The following DPP10 variants were observed in gnomAD, a reference collection of about 807,000 sequenced individuals.
The protein encoded by DPP10 is dipeptidyl peptidase like 10, also known as inactive dipeptidyl peptidase 10.
DPP10 carries 33 observed loss-of-function variants against 120.9 expected under a neutral mutation model. The ratio of observed to expected loss-of-function variants is 0.27; its 90% CI spans 0.21 to 0.37. The LOEUF is 0.37. Ranked by LOEUF, DPP10 falls within the 10% of genes least tolerant of loss-of-function variation. The probability of loss-of-function intolerance (pLI) is 1.00; values close to 1 mark genes in which losing one functional copy is unlikely to be tolerated. For synonymous variants in DPP10, 337 were observed against 326.1 expected, an observed-to-expected ratio of 1.03 and a Z score of -0.36; for missense variants, 816 against 942.8, an observed-to-expected ratio of 0.87 and a Z score of 1.76.
rs192167787 is a variant in DPP10 at position 114,838,249 on chromosome 2, C to T, written c.60+395411C>T. 1.7e-3 allele frequency among the ~76,000 whole-genome samples: 253 copies of T among 152,316 alleles called. 1 individual carries two copies. The highest frequency in any genetic ancestry group is 3.4e-3 in the Middle Eastern group (1 of 294). ...ATGGATACCTGGTGAGAACTAATAG[C>T]ATATGCCACAGATTCTATAGTGGCA... On this transcript the variant is annotated intron_variant, in intron 1 of 25. Coordinates refer to ENST00000410059, the MANE Select transcript of DPP10 (RefSeq NM_020868.6).
chr2:115,622,829 C>CTTTTT (rs765780452), intron 5 of DPP10, among the ~76,000 whole-genome samples: 9 of 128,358 alleles, frequency 7.0e-5, no homozygotes, highest in South Asian at 2.6e-4. Flanking sequence ...TTCGTTTATT[C>CTTTTT]TTTTTTTTTT....
At chr2:114,783,912 T>C (rs190643030) in intron 1 of DPP10, among the ~76,000 whole-genome samples, 29 of 152,146 alleles carry the variant, frequency 1.9e-4, no homozygotes, top group Non-Finnish European at 1.5e-5. Flanking sequence ...GTTTTTCCCC[T>C]AGACAGAGCC....
chr2:115,214,521 T>A (rs1442072010), intron 1 of DPP10, among the ~76,000 whole-genome samples: 1 of 152,180 alleles, frequency 6.6e-6, no homozygotes, highest in Non-Finnish European at 1.5e-5. Flanking sequence ...CTTCAGCCGA[T>A]GTTGAGAGGG....
rs1018384589 is a variant in DPP10, at chr2:115,493,945, T to TTTTA, written c.272-5549_272-5546dup. On this transcript the variant is annotated intron_variant, in intron 3 of 25. Transcript: ENST00000410059. ...AGAAAAACACCAGACTTAATGTACT[T>TTTTA]TTTATTTATTTATTTATTTTTTGAG... Among the ~76,000 whole-genome samples, 53 of 152,026 alleles carry TTTTA rather than the reference T, an allele frequency of 3.5e-4. No individual in the cohort carries two copies. In the Middle Eastern group the frequency reaches 0.014, roughly 39 times the overall value.
At chr2:115,533,325 G>A (rs1193163972) in intron 5 of DPP10, among the ~76,000 whole-genome samples, 3 of 152,168 alleles carry the variant, frequency 2.0e-5, no homozygotes, top group East Asian at 3.9e-4. Context: ...AACCGTAGCT[G>A]GGCTACATCT....
intron 5 of DPP10, among the ~76,000 whole-genome samples, chr2:115,596,522 A>G (rs951725691): frequency 6.6e-6 from 1 of 152,182 alleles, no homozygotes; most frequent in African/African-American, 2.4e-5. Context: ...TTCACTTGTC[A>G]TATTTCAAAG....
At chr2:115,706,666 T>A (rs183810576) in intron 7 of DPP10, among the ~76,000 whole-genome samples, 2 of 152,120 alleles carry the variant, frequency 1.3e-5, no homozygotes, top group African/African-American at 4.8e-5. Flanking sequence ...CCTAGAGTGA[T>A]ATGTCAAGTT....
intron 19 of DPP10, among the ~76,000 whole-genome samples, chr2:115,798,574 G>A (rs1369235611): frequency 6.6e-6 from 1 of 152,040 alleles, no homozygotes; most frequent in East Asian, 1.9e-4. Flanking sequence ...GGGAGGCTAG[G>A]CCAGAGCTCC....
At chr2:115,573,786 C>T (rs954311895) in intron 5 of DPP10, among the ~76,000 whole-genome samples, 28 of 152,078 alleles carry the variant, frequency 1.8e-4, no homozygotes, top group African/African-American at 5.8e-4. Context: ...AACTCCTGTC[C>T]TCAACTGATC....
intron 5 of DPP10, among the ~76,000 whole-genome samples, chr2:115,604,438 C>T (rs926490828): frequency 1.1e-4 from 16 of 152,162 alleles, no homozygotes; most frequent in Non-Finnish European, 1.9e-4. Flanking sequence ...TCTAAGATCT[C>T]AGAGGAATGC....
intron 5 of DPP10, among the ~76,000 whole-genome samples, chr2:115,687,069 T>C (rs1465323596): frequency 6.6e-6 from 1 of 151,972 alleles, no homozygotes; most frequent in Non-Finnish European, 1.5e-5. Context: ...AGAGTAGAAA[T>C]GTTATCCAAG....
At chr2:114,647,824 A>G (rs1048997248) in intron 1 of DPP10, among the ~76,000 whole-genome samples, 1 of 150,852 alleles carries the variant, frequency 6.6e-6, no homozygotes, top group Non-Finnish European at 1.5e-5. Flanking sequence ...GGACTCTAAC[A>G]CTGGATGTTG....
intron 4 of DPP10, among the ~76,000 whole-genome samples, chr2:115,507,705 A>C (rs980580003): frequency 7.2e-5 from 11 of 152,178 alleles, no homozygotes; most frequent in Admixed American, 5.9e-4. Context: ...TTTTGTGAGC[A>C]GTAGGTACAC....
chr2:115,256,662 C>T (rs879369690), intron 1 of DPP10, among the ~76,000 whole-genome samples: 7 of 152,168 alleles, frequency 4.6e-5, no homozygotes, highest in Non-Finnish European at 8.8e-5. Context: ...ATTGTCTTGT[C>T]TATCAGCACC....
At chr2:114,780,541 ATTTG>A (rs1471403092) in intron 1 of DPP10, among the ~76,000 whole-genome samples, 1 of 152,110 alleles carries the variant, frequency 6.6e-6, no homozygotes, top group African/African-American at 2.4e-5. Flanking sequence ...AGATTTATTT[ATTTG>A]TTATCACTAA....
intron 1 of DPP10, among the ~76,000 whole-genome samples, chr2:114,576,911 A>G (rs913601155): frequency 3.3e-5 from 5 of 151,746 alleles, no homozygotes; most frequent in Non-Finnish European, 5.9e-5. Context: ...TCATAGAAGG[A>G]TGAGTAAAGA....
chr2:114,592,774 A>G (rs899476107), intron 1 of DPP10, among the ~76,000 whole-genome samples: 1 of 152,214 alleles, frequency 6.6e-6, no homozygotes, highest in African/African-American at 2.4e-5. Context: ...TAATGAGTAT[A>G]TCAAATTGAA....
chr2:115,125,921 A>G (rs2050060744), intron 1 of DPP10, among the ~76,000 whole-genome samples: 1 of 152,166 alleles, frequency 6.6e-6, no homozygotes, highest in South Asian at 2.1e-4. Context: ...TTAGATTTTT[A>G]CCAAGCCATA....
At chr2:114,828,617 A>G (rs1482945044) in intron 1 of DPP10, 5 of 152,224 alleles carry the variant, frequency 3.3e-5, no homozygotes, top group Admixed American at 3.3e-4. Flanking sequence ...GCAATAAATG[A>G]ATACATAAAA....
Sources: allele counts gnomAD v4.1 joint callset (sites outside exome capture counted in the v4.1 genomes callset), GRCh38; gene constraint gnomAD v4.1.1; transcripts MANE v1.5; gene names NCBI Gene and HGNC (gene_info 2026-07-23, HGNC 2026-07-21).